The following RNF220 variants were observed in gnomAD, a reference collection of about 807,000 sequenced individuals.
RNF220 encodes the protein E3 ubiquitin-protein ligase RNF220.
Under a neutral mutation model 67.1 loss-of-function variants are expected in RNF220, and 7 were observed. The observed-to-expected ratio is 0.10, with a 90% CI of 0.06 to 0.20. The LOEUF (loss-of-function observed/expected upper bound fraction) is 0.20, where lower values mean the gene tolerates loss of function less well. RNF220 is among the 10% of genes least tolerant of loss of function. The probability of loss-of-function intolerance (pLI) is 1.00; values close to 1 mark genes in which losing one functional copy is unlikely to be tolerated. For missense variants in RNF220, 565 were observed against 740.3 expected, an observed-to-expected ratio of 0.76 and a Z score of 2.75; for synonymous variants, 270 against 283.2, an observed-to-expected ratio of 0.95 and a Z score of 0.47.
In RNF220 at chr1:44,606,752, A is replaced by G. The variant is rs56310312; in HGVS notation, c.626-7413A>G. On this transcript the variant is annotated intron_variant, in intron 2 of 14. Transcript: ENST00000361799. The surrounding 1 kb of genome is among the most constrained non-coding windows in gnomAD (Gnocchi z 4.2). ...ATCTTGCCTACTCTGAACTTCATTC[A>G]TTTATTTATTCAATAAATATTTATT... Among the ~76,000 whole-genome samples the G allele has an allele frequency of 0.48, 72,876 of 152,020 alleles. 18,405 individuals carry two copies. The highest frequency in any genetic ancestry group is 0.61 in the Middle Eastern group (177 of 292).
At position 44,621,650 on chromosome 1, in the gene RNF220, C is replaced by T. The variant is rs142797146; in HGVS notation, c.759-1092C>T. 2.8e-3 allele frequency among the ~76,000 whole-genome samples: 425 copies of T among 152,164 alleles called. 3 individuals are homozygous for T. Among genetic ancestry groups the T allele is most frequent in the African/African-American group, 9.5e-3 (394 of 41,508 alleles). ...TGTGCTTTTGCTGGCTTGTCCGGTA[C>T]GTTTGTGTCTGGCCCTGTGGGTGTC... is the stretch of plus-strand genomic sequence containing the variant. On this transcript the variant is annotated intron_variant, in intron 3 of 14. Coordinates refer to ENST00000361799, the MANE Select transcript of RNF220 (RefSeq NM_018150.4). This position sits in a 1 kb window ranked among gnomAD's most constrained non-coding sequence, Gnocchi z 4.8.
rs270743 is a variant in RNF220 at position 44,530,780 on chromosome 1, G to A, written c.626-83385G>A. 1.7e-3 allele frequency among the ~76,000 whole-genome samples: 265 copies of A among 152,050 alleles called. 2 individuals are homozygous for A. The highest frequency in any genetic ancestry group is 6.3e-3 in the African/African-American group (262 of 41,474). On this transcript the variant is annotated intron_variant, in intron 2 of 14. Transcript: ENST00000361799. ...GGAGTTCAAGACCAGCCTGACCAAC[G>A]TGGTAAAACCCTGTCTCTACTAAAA...
intron 2 of RNF220, among the ~76,000 whole-genome samples, chr1:44,575,097 G>GAAC (rs1664712403): frequency 6.6e-6 from 1 of 152,058 alleles, no homozygotes; most frequent in Non-Finnish European, 1.5e-5. Flanking sequence ...TCAAACATTA[G>GAAC]AACTTATTCC....
intron 2 of RNF220, among the ~76,000 whole-genome samples, chr1:44,591,622 T>C (rs1373032963): frequency 1.3e-5 from 2 of 152,206 alleles, no homozygotes; most frequent in African/African-American, 2.4e-5. Flanking sequence ...TGCAAAGGAA[T>C]ATTCTAGTCA....
chr1:44,426,043 C>A (rs1649737572), intron 2 of RNF220, among the ~76,000 whole-genome samples: 1 of 152,180 alleles, frequency 6.6e-6, no homozygotes, highest in Non-Finnish European at 1.5e-5. Context: ...TGTAAGTTGG[C>A]AGGCTGTTTT....
intron 2 of RNF220, among the ~76,000 whole-genome samples, chr1:44,578,834 G>A (rs1665020496): frequency 6.6e-6 from 1 of 152,120 alleles, no homozygotes; most frequent in Non-Finnish European, 1.5e-5. Context: ...CTCACAGTGT[G>A]CCCAACATTC....
At chr1:44,479,168 T>A (rs972623636) in intron 2 of RNF220, among the ~76,000 whole-genome samples, 1 of 150,654 alleles carries the variant, frequency 6.6e-6, no homozygotes. Flanking sequence ...CAGGCTGGGG[T>A]GCAGTGGCGC....
intron 2 of RNF220, among the ~76,000 whole-genome samples, chr1:44,504,175 A>G (rs568138825): frequency 6.6e-6 from 1 of 152,124 alleles, no homozygotes; most frequent in African/African-American, 2.4e-5. Flanking sequence ...AGGCTCTCAG[A>G]TCATTCTGAT....
chr1:44,561,623 G>A (rs1351575563), intron 2 of RNF220, among the ~76,000 whole-genome samples: 1 of 152,096 alleles, frequency 6.6e-6, no homozygotes, highest in Non-Finnish European at 1.5e-5. Flanking sequence ...TAGTGTTAGT[G>A]AGCTAGCCAG....
chr1:44,490,020 TC>T (rs1401460609), intron 2 of RNF220, among the ~76,000 whole-genome samples: 2 of 152,186 alleles, frequency 1.3e-5, no homozygotes, highest in Non-Finnish European at 1.5e-5. Flanking sequence ...TACTTTTTTT[TC>T]TATGTTCTTT....
chr1:44,598,120 G>A (rs1357320217), intron 2 of RNF220, among the ~76,000 whole-genome samples: 1 of 151,590 alleles, frequency 6.6e-6, no homozygotes, highest in African/African-American at 2.4e-5. Context: ...TCTTTGAACT[G>A]TCCCCAGATC....
At chr1:44,405,200 C>T (rs2147783390), upstream of RNF220, 1 of 327,276 alleles carries the variant, frequency 3.1e-6, no homozygotes, top group Non-Finnish European at 5.5e-6. Flanking sequence ...TGTGTGCGTG[C>T]GTGTGTGTGT....
chr1:44,442,514 C>CTTTTT lies in RNF220; in HGVS notation c.625+29805_625+29809dup, dbSNP rs10636964. Among the ~76,000 whole-genome samples the CTTTTT allele has an allele frequency of 9.4e-4, 120 of 127,746 alleles. 2 individuals carry two copies. The East Asian group carries it at 0.013, about 13-fold the overall frequency. The allele number at this position is 127,746 out of a possible 152,430, so 83.8% of individuals were successfully genotyped here. On this transcript the variant is annotated intron_variant, in intron 2 of 14. Transcript: ENST00000361799. ...GCCCCGCTGCCGCACCACTCACACT[C>CTTTTT]TTTTTTTTTTTTTTTTTGAGACAGG...
At chr1:44,501,050 G>A (rs1657809581) in intron 2 of RNF220, among the ~76,000 whole-genome samples, 1 of 151,684 alleles carries the variant, frequency 6.6e-6, no homozygotes, top group Non-Finnish European at 1.5e-5. Flanking sequence ...AAGGCTGTGG[G>A]GGTGGGGGTG....
chr1:44,499,807 A>T (rs956808734), intron 2 of RNF220, among the ~76,000 whole-genome samples: 6 of 152,174 alleles, frequency 3.9e-5, no homozygotes, highest in Admixed American at 2.6e-4. Flanking sequence ...TCCAAAACTG[A>T]ACTCCTTATT....
intron 2 of RNF220, among the ~76,000 whole-genome samples, chr1:44,465,624 G>C (rs1411279016): frequency 6.6e-6 from 1 of 152,054 alleles, no homozygotes; most frequent in Non-Finnish European, 1.5e-5. Context: ...GGTTTTAATA[G>C]TGCACAAGTA....
rs759672475 is a variant in RNF220 at position 44,432,895 on chromosome 1, C to CTTTTTTTTTTTTTTTTTTTTTTTT, written c.625+20177_625+20178insTTTTTTTTTTTTTTTTTTTTTTTT. ...GGTATGTATGTAAGTTTCAAATTGG[C>CTTTTTTTTTTTTTTTTTTTTTTTT]TTTTCTTTTTTTTTTTTTGAGTCTT... On this transcript the variant is annotated intron_variant, in intron 2 of 14. Coordinates refer to ENST00000361799, the MANE Select transcript of RNF220 (RefSeq NM_018150.4). 3.8e-5 allele frequency among the ~76,000 whole-genome samples: 4 copies of CTTTTTTTTTTTTTTTTTTTTTTTT among 104,412 alleles called. 2 individuals carry two copies. The allele number at this position is 104,412 out of a possible 152,430, so 68.5% of individuals were successfully genotyped here.
rs144900325 is a variant in RNF220 at position 44,640,452 on chromosome 1, C to T, written c.1127-4246C>T. Among the ~76,000 whole-genome samples the T allele has an allele frequency of 3.2e-4, 48 of 152,298 alleles. 1 individual carries two copies. In the East Asian group the frequency reaches 8.5e-3, roughly 27 times the overall value. Reference sequence around the variant, plus strand: ...AAGGAGCAAGGCACCTTCTGTCCCCCGTGGCAACTGATGGGATTTAATCGC... The same window carrying T: ...AAGGAGCAAGGCACCTTCTGTCCCCTGTGGCAACTGATGGGATTTAATCGC... On this transcript the variant is annotated intron_variant, in intron 8 of 14. Coordinates refer to ENST00000361799, the MANE Select transcript of RNF220 (RefSeq NM_018150.4).
intron 8 of RNF220, among the ~76,000 whole-genome samples, chr1:44,639,815 C>A (rs1486578031): frequency 2.0e-5 from 3 of 152,190 alleles, no homozygotes; most frequent in Admixed American, 6.5e-5. Flanking sequence ...CAGAGTCTCA[C>A]TTTTTCACCC....
Sources: gnomAD v4.1 joint callset for allele counts (sites outside exome capture counted in the v4.1 genomes callset) on GRCh38, gnomAD v4.1.1 for gene constraint, Gnocchi (gnomAD v3.1) non-coding constraint, MANE v1.5 for transcripts, NCBI Gene and HGNC (gene_info 2026-07-23, HGNC 2026-07-21) for gene names.